Variants in NAV3 observed in about 807,000 individuals in gnomAD.
NAV3 encodes pore membrane and/or filament interacting like protein 1.
A neutral mutation model predicts 244.7 loss-of-function variants in NAV3; 87 were observed. The observed-to-expected ratio is 0.36, with a 90% confidence interval of 0.30 to 0.42. The LOEUF (loss-of-function observed/expected upper bound fraction) is 0.42, where lower values mean the gene tolerates loss of function less well. Among genes scored for constraint, NAV3 ranks in the 20% least tolerant of loss-of-function variants. The pLI, the probability that NAV3 is intolerant of heterozygous loss-of-function variation, is 1.00. For synonymous variants in NAV3, 1,126 were observed against 1,042.2 expected, an observed-to-expected ratio of 1.08 and a Z score of -1.55; for missense variants, 2,663 against 2,893.3, an observed-to-expected ratio of 0.92 and a Z score of 1.83.
rs188945689 is a variant in NAV3 at position 78,017,579 on chromosome 12, A to G, written c.1908-4168A>G. On this transcript the variant is annotated intron_variant, in intron 8 of 39. Coordinates refer to ENST00000397909, the MANE Select transcript of NAV3 (RefSeq NM_001024383.2). ...AGGACCATGTTGCTGAATATTTTGA[A>G]GGAATATTATGATACATATTTTTTC... 3.1e-4 allele frequency among the ~76,000 whole-genome samples: 47 copies of G among 152,302 alleles called. No individual in the cohort carries two copies. In the East Asian group the frequency reaches 7.3e-3, roughly 24 times the overall value.
chr12:77,935,126 TATAAA>T (rs1889199275), intron 1 of NAV3, among the ~76,000 whole-genome samples: 1 of 152,166 alleles, frequency 6.6e-6, no homozygotes, highest in African/African-American at 2.4e-5. Flanking sequence ...GTAGGTTACT[TATAAA>T]ATACTAACCA....
At chr12:78,052,504 A>T (rs895293261) in intron 11 of NAV3, among the ~76,000 whole-genome samples, 1 of 152,176 alleles carries the variant, frequency 6.6e-6, no homozygotes, top group Non-Finnish European at 1.5e-5. Context: ...TACCATCTTC[A>T]TGAAGTTGTT....
At chr12:77,783,191 T>G (rs940911139) in intron 2 of NAV3, 7 of 152,130 alleles carry the variant, frequency 4.6e-5, no homozygotes, top group African/African-American at 1.7e-4. Flanking sequence ...AGTTGCTGTT[T>G]GATGTTTTGC....
At chr12:77,629,507 T>A (rs953211785) in intron 2 of NAV3, among the ~76,000 whole-genome samples, 2 of 152,208 alleles carry the variant, frequency 1.3e-5, no homozygotes, top group Non-Finnish European at 2.9e-5. Context: ...AAATTTCACT[T>A]GTAAAGTTTT....
intron 5 of NAV3, among the ~76,000 whole-genome samples, chr12:77,989,245 G>C (rs567699044): frequency 6.6e-6 from 1 of 152,072 alleles, no homozygotes; most frequent in Admixed American, 6.6e-5. Context: ...GGCAACAGAC[G>C]TTTAAGAGTA....
chr12:77,960,874 T>C (rs1891851165), intron 3 of NAV3, among the ~76,000 whole-genome samples: 1 of 146,834 alleles, frequency 6.8e-6, no homozygotes, highest in African/African-American at 2.5e-5. Context: ...CATATAATAA[T>C]ATATTGATAT....
chr12:78,111,871 A>G (rs76557335), intron 12 of NAV3, among the ~76,000 whole-genome samples: 18 of 152,314 alleles, frequency 1.2e-4, no homozygotes, highest in African/African-American at 3.8e-4. Flanking sequence ...TCCTGTGAAA[A>G]GATACTGTAT....
At chr12:77,664,912 GTTTA>G (rs201646446) in intron 2 of NAV3, among the ~76,000 whole-genome samples, 2,317 of 152,156 alleles carry the variant, frequency 0.015, 23 homozygotes, top group Non-Finnish European at 0.025. Flanking sequence ...TTACTTATTT[GTTTA>G]TTTATTTTCT....
At chr12:77,708,367 T>G (rs1410968081) in intron 2 of NAV3, among the ~76,000 whole-genome samples, 1 of 152,212 alleles carries the variant, frequency 6.6e-6, no homozygotes, top group Non-Finnish European at 1.5e-5. Flanking sequence ...CAGATGGTTG[T>G]AGATGTGTGG....
chr12:77,752,939 A>G (rs966346309), intron 2 of NAV3, among the ~76,000 whole-genome samples: 27 of 152,164 alleles, frequency 1.8e-4, no homozygotes, highest in African/African-American at 5.8e-4. Flanking sequence ...GTTCATTACC[A>G]TATAGTTCTA....
At chr12:78,061,202 AT>A (rs1376753059) in intron 12 of NAV3, among the ~76,000 whole-genome samples, 1 of 152,144 alleles carries the variant, frequency 6.6e-6, no homozygotes, top group African/African-American at 2.4e-5. Flanking sequence ...CCTCAAGGTG[AT>A]TCTTAAGTTC....
intron 1 of NAV3, among the ~76,000 whole-genome samples, chr12:77,936,341 C>A (rs1461646215): frequency 2.6e-5 from 4 of 152,094 alleles, no homozygotes; most frequent in African/African-American, 9.7e-5. Flanking sequence ...CTTCTGAATT[C>A]CTTGAGATAA....
chr12:78,005,926 T>G lies in NAV3; in HGVS notation c.881-493T>G, dbSNP rs533243294. 3.4e-3 allele frequency among the ~76,000 whole-genome samples: 520 copies of G among 152,298 alleles called. 1 individual carries two copies. The highest frequency in any genetic ancestry group is 0.012 in the African/African-American group (508 of 41,568). On this transcript the variant is annotated intron_variant, in intron 7 of 39. Coordinates refer to ENST00000397909, the MANE Select transcript of NAV3 (RefSeq NM_001024383.2). ...AAATATCATAAATAACTTTTTTTTT[T>G]GAGAGAGAGTCTTGCTCTGTCATCC...
At chr12:77,727,495 AG>A (rs571318559) in intron 2 of NAV3, among the ~76,000 whole-genome samples, 56 of 151,964 alleles carry the variant, frequency 3.7e-4, no homozygotes, top group African/African-American at 1.3e-3. Flanking sequence ...TACCAAGTCA[AG>A]GGTATAAATA....
At chr12:77,916,203 G>A (rs889298831) in intron 1 of NAV3, among the ~76,000 whole-genome samples, 6 of 151,962 alleles carry the variant, frequency 3.9e-5, no homozygotes, top group Non-Finnish European at 8.8e-5. Flanking sequence ...GAGTTATTTA[G>A]GATTTAGATT....
At chr12:77,938,732 C>G (rs1029115289) in intron 1 of NAV3, among the ~76,000 whole-genome samples, 4 of 151,960 alleles carry the variant, frequency 2.6e-5, no homozygotes, top group Non-Finnish European at 5.9e-5. Context: ...TCTCTTGCAA[C>G]TTTAGATATA....
At chr12:77,837,065 G>C (rs1874772917) in intron 1 of NAV3, among the ~76,000 whole-genome samples, 1 of 152,018 alleles carries the variant, frequency 6.6e-6, no homozygotes, top group Non-Finnish European at 1.5e-5. Flanking sequence ...TGTATAAATA[G>C]TATTGCTAAT....
chr12:77,869,058 CAAACAAACAAAA>C (rs1349718947), intron 1 of NAV3, among the ~76,000 whole-genome samples: 1 of 151,802 alleles, frequency 6.6e-6, no homozygotes, highest in Non-Finnish European at 1.5e-5. Context: ...AACAAACAAA[CAAACAAACAAAA>C]CTTTAGAATG....
intron 2 of NAV3, among the ~76,000 whole-genome samples, chr12:77,647,629 A>G (rs1872660532): frequency 6.6e-6 from 1 of 152,070 alleles, no homozygotes; most frequent in Non-Finnish European, 1.5e-5. Flanking sequence ...TGCTGTTTTG[A>G]TCATATTCTA....
Sources: allele counts gnomAD v4.1 joint callset (sites outside exome capture counted in the v4.1 genomes callset), GRCh38; gene constraint gnomAD v4.1.1; transcripts MANE v1.5; gene names NCBI Gene and HGNC (gene_info 2026-07-23, HGNC 2026-07-21).